INTS9: variants seen among roughly 807,000 people sequenced by gnomAD.
INTS9 encodes the protein protein related to CPSF subunits of 74 kDa.
In INTS9, 55 loss-of-function variants were observed where a neutral mutation model predicts 79.7. The observed-to-expected ratio is 0.69, with a 90% CI of 0.56 to 0.86. The LOEUF (loss-of-function observed/expected upper bound fraction) is 0.86. Ranked by LOEUF, INTS9 falls within the 40% of genes least tolerant of loss-of-function variation. The pLI, the probability that INTS9 is intolerant of heterozygous loss-of-function variation, is 0.00. For missense variants in INTS9, 721 were observed against 831.5 expected (o/e 0.87, Z 1.64); for synonymous variants, 319 against 325.2 (o/e 0.98, Z 0.20).
chr8:28,882,532 T>TAAAAA (rs369293166), intron 1 of INTS9, among the ~76,000 whole-genome samples: 6 of 63,298 alleles, frequency 9.5e-5, no homozygotes, highest in African/African-American at 1.4e-4. Context: ...TATTAACAGC[T>TAAAAA]AAAAAAAAAA....
intron 8 of INTS9, among the ~76,000 whole-genome samples, chr8:28,810,621 C>T (rs865959587): frequency 3.3e-5 from 5 of 151,606 alleles, no homozygotes; most frequent in South Asian, 2.1e-4. Context: ...TCTCTCTCTC[C>T]GTAAATAGAT....
chr8:28,868,418 G>A (rs575230665), intron 1 of INTS9, among the ~76,000 whole-genome samples: 3 of 151,898 alleles, frequency 2.0e-5, no homozygotes, highest in Non-Finnish European at 4.4e-5. Context: ...CTTTACTCTC[G>A]CTTGAGAGAA....
chr8:28,881,158 C>G (rs1174514049), intron 1 of INTS9, among the ~76,000 whole-genome samples: 3 of 145,240 alleles, frequency 2.1e-5, no homozygotes, highest in Admixed American at 2.0e-4. Context: ...CTGGCCGCCC[C>G]GTCCGGGAGG....
rs549719415 is a variant in INTS9, at chr8:28,819,467, G to A, written c.489-5855C>T. Among the ~76,000 whole-genome samples, 22 of 152,340 alleles carry A rather than the reference G, an allele frequency of 1.4e-4. No individual in the cohort carries two copies. In the East Asian group the frequency reaches 3.3e-3, roughly 23 times the overall value. On this transcript the variant is annotated intron_variant, in intron 6 of 16. Coordinates refer to ENST00000521022, the MANE Select transcript of INTS9 (RefSeq NM_018250.4). ...TTTCCATGTAGTTGAGCGGTTTTGA[G>A]TGAGTTTCTTAATCCTGAGTTCTAG...
At position 28,793,897 on chromosome 8, in the gene INTS9, A is replaced by G. The variant is rs377440353; in HGVS notation, c.947T>C (p.Ile316Thr). Reference protein sequence around the residue: ...YDLLECLYQYIDSAGLSSVPL... With the variant: ...YDLLECLYQYTDSAGLSSVPL... Reference sequence around the variant, plus strand: ...GACGCTGGAAAGCCCGGCTGAGTCGATGTACTGATATAGGCACTCCAGGAG... The same window carrying G: ...GACGCTGGAAAGCCCGGCTGAGTCGGTGTACTGATATAGGCACTCCAGGAG... The change falls in exon 10 of 17, where the codon ATC becomes ACC. Residue 316 changes from isoleucine (I) to threonine (T), a missense_variant. Ile to Thr is a moderately conservative substitution (Grantham distance 89, BLOSUM62 -1). Transcript: ENST00000521022. 1.9e-6 allele frequency: 3 copies of G among 1,614,096 alleles called. No homozygotes were observed. Among genetic ancestry groups the G allele is most frequent in the Non-Finnish European group, 2.5e-6 (3 of 1,179,992 alleles).
At chr8:28,884,431 T>G (rs972268677) in intron 1 of INTS9, among the ~76,000 whole-genome samples, 2 of 152,098 alleles carry the variant, frequency 1.3e-5, no homozygotes, top group Non-Finnish European at 2.9e-5. Context: ...GTGATCCTCC[T>G]CCTCAGCTTC....
chr8:28,772,180 C>A (rs961156388), intron 14 of INTS9, among the ~76,000 whole-genome samples: 1 of 152,086 alleles, frequency 6.6e-6, no homozygotes, highest in Admixed American at 6.6e-5. Flanking sequence ...ATTTTAAAGG[C>A]AATTACTGTA....
intron 6 of INTS9, among the ~76,000 whole-genome samples, chr8:28,830,400 G>A (rs1298004295): frequency 6.6e-6 from 1 of 152,102 alleles, no homozygotes; most frequent in Non-Finnish European, 1.5e-5. Context: ...TTGGGAGGCT[G>A]AGGTGGGCGG....
rs889060778 is a variant in INTS9 at position 28,824,013 on chromosome 8, C to G, written c.489-10401G>C. 2.6e-5 allele frequency among the ~76,000 whole-genome samples: 4 copies of G among 152,306 alleles called. No homozygotes were observed. The South Asian group carries it at 6.2e-4, about 24-fold the overall frequency. ...TTTCTTATTCACTTTCTTAGGTACA[C>G]ATAGTGAACTGCTTTAGGTTTTGCA... is the stretch of plus-strand genomic sequence containing the variant. On this transcript the variant is annotated intron_variant, in intron 6 of 16. Transcript: ENST00000521022.
intron 1 of INTS9, among the ~76,000 whole-genome samples, chr8:28,870,702 G>A (rs981101775): frequency 6.6e-6 from 1 of 152,198 alleles, no homozygotes; most frequent in African/African-American, 2.4e-5. Context: ...GCATAGAGCA[G>A]AAATACTAGG....
chr8:28,792,442 A>C (rs1285817997), intron 10 of INTS9, among the ~76,000 whole-genome samples: 1 of 152,082 alleles, frequency 6.6e-6, no homozygotes, highest in Non-Finnish European at 1.5e-5. Context: ...AAACTGCAAA[A>C]GAGACTAAAA....
In INTS9 at chr8:28,821,126, G is replaced by T. The variant is rs531047319; in HGVS notation, c.489-7514C>A. Among the ~76,000 whole-genome samples, 3 of 152,260 alleles carry T rather than the reference G, an allele frequency of 2.0e-5. No homozygotes were observed. In the East Asian group the frequency reaches 5.8e-4, roughly 29 times the overall value. ...TCTTAAACATCCTGCTATCACAGAT[G>T]GCAAGGAAACAATCAAAGACTATGA... On this transcript the variant is annotated intron_variant, in intron 6 of 16. Coordinates refer to ENST00000521022, the MANE Select transcript of INTS9 (RefSeq NM_018250.4).
At chr8:28,784,226 C>A (rs1258668451) in intron 11 of INTS9, among the ~76,000 whole-genome samples, 2 of 152,182 alleles carry the variant, frequency 1.3e-5, no homozygotes, top group Non-Finnish European at 1.5e-5. Flanking sequence ...TACTCACATT[C>A]CTAACTCTAA....
At chr8:28,829,970 T>G (rs1167573316) in intron 6 of INTS9, among the ~76,000 whole-genome samples, 1 of 151,776 alleles carries the variant, frequency 6.6e-6, no homozygotes, top group Non-Finnish European at 1.5e-5. Context: ...CACTCCTGTG[T>G]GTACCTTCCC....
chr8:28,881,097 CG>C (rs1271183729), intron 1 of INTS9, among the ~76,000 whole-genome samples: 1 of 150,480 alleles, frequency 6.6e-6, no homozygotes, highest in African/African-American at 2.4e-5. Flanking sequence ...CGTCTCCGCC[CG>C]GCAGCCACCC....
At chr8:28,880,172 A>C (rs1275686123) in intron 1 of INTS9, among the ~76,000 whole-genome samples, 1 of 152,206 alleles carries the variant, frequency 6.6e-6, no homozygotes. Flanking sequence ...ATAAAGCTAG[A>C]ATATCTCATT....
chr8:28,846,610 T>G (rs1477446795), intron 4 of INTS9, 137 bp downstream of exon 4: 2 of 666,450 alleles, frequency 3.0e-6, no homozygotes, highest in East Asian at 5.3e-5. Flanking sequence ...TTTGGCTGTG[T>G]AACAATGTGC....
intron 2 of INTS9, among the ~76,000 whole-genome samples, chr8:28,853,875 C>G (rs755053956): frequency 1.3e-5 from 2 of 151,398 alleles, no homozygotes; most frequent in Non-Finnish European, 1.5e-5. Flanking sequence ...CCTGCCACCA[C>G]GCTCGGCTAA....
chr8:28,833,684 A>G (rs1175289639), intron 6 of INTS9, among the ~76,000 whole-genome samples: 2 of 151,952 alleles, frequency 1.3e-5, no homozygotes, highest in East Asian at 1.9e-4. Flanking sequence ...AAAAGAAAAA[A>G]AAAAAGAAAT....
Sources: gnomAD v4.1 joint callset for allele counts (sites outside exome capture counted in the v4.1 genomes callset) on GRCh38, gnomAD v4.1.1 for gene constraint, MANE v1.5 for transcripts, NCBI Gene and HGNC (gene_info 2026-07-23, HGNC 2026-07-21) for gene names.